Variants in VDAC2 observed in about 807,000 individuals in gnomAD.
VDAC2 encodes voltage dependent anion channel 2, also known as non-selective voltage-gated ion channel VDAC2.
VDAC2 carries 6 observed loss-of-function variants against 36.6 expected under a neutral mutation model. That is an observed-to-expected ratio of 0.16 (90% CI 0.09 to 0.32). The LOEUF is 0.32. VDAC2 is among the 10% of genes least tolerant of loss of function. The pLI, the probability that VDAC2 is intolerant of heterozygous loss-of-function variation, is 1.00. For missense variants in VDAC2, 247 were observed against 346.0 expected, an observed-to-expected ratio of 0.71 and a Z score of 2.27; for synonymous variants, 109 against 123.8, an observed-to-expected ratio of 0.88 and a Z score of 0.79.
intron 8 of VDAC2, among the ~76,000 whole-genome samples, chr10:75,224,846 GAT>G (rs2132275912): frequency 6.6e-6 from 1 of 152,252 alleles, no homozygotes; most frequent in African/African-American, 2.4e-5. Context: ...AGAAGTTAGA[GAT>G]TACATTGAGA....
At chr10:75,227,898 CTT>C (rs1172542801) in intron 8 of VDAC2, among the ~76,000 whole-genome samples, 17 of 133,406 alleles carry the variant, frequency 1.3e-4, no homozygotes, top group Non-Finnish European at 9.8e-5. Flanking sequence ...TTCTTTCTTT[CTT>C]TTTTTTTTTT....
chr10:75,221,406 C>A (rs1008376075), intron 7 of VDAC2, among the ~76,000 whole-genome samples: 3 of 151,754 alleles, frequency 2.0e-5, no homozygotes, highest in African/African-American at 7.3e-5. Context: ...GATCTCGGCT[C>A]ACTCCAACAT....
At position 75,211,142 on chromosome 10, in the gene VDAC2, C is replaced by G; in HGVS notation, c.-17C>G. On this transcript the variant is annotated 5_prime_UTR_variant, in exon 2 of 10. Transcript: ENST00000332211. ...TCTTGTCCCTCCCGCAGATTCCCCT[C>G]TTCCCGCGGCCTCGCCATGGCGACC... is the stretch of plus-strand genomic sequence containing the variant. 1 of 1,611,440 alleles carries G rather than the reference C, an allele frequency of 6.2e-7. No homozygotes were observed. The highest frequency in any genetic ancestry group is 1.3e-5 in the African/African-American group (1 of 74,966).
chr10:75,222,203 C>G (rs1359252502), intron 7 of VDAC2, 49 bp from the exon 8 acceptor site: 2 of 1,551,848 alleles, frequency 1.3e-6, no homozygotes, highest in African/African-American at 1.4e-5. Context: ...GTGCCTTAGA[C>G]ATTATTACAT....
intron 8 of VDAC2, among the ~76,000 whole-genome samples, chr10:75,226,177 T>G (rs538138922): frequency 6.6e-6 from 1 of 152,202 alleles, no homozygotes; most frequent in Non-Finnish European, 1.5e-5. Context: ...TGTAGATATG[T>G]CTGTTATATA....
chr10:75,226,448 T>C (rs1003764741), intron 8 of VDAC2, among the ~76,000 whole-genome samples: 1 of 131,588 alleles, frequency 7.6e-6, no homozygotes, highest in South Asian at 2.4e-4. Context: ...CAGTCTTTTG[T>C]GGGTTTTTTT....
At chr10:75,219,379 G>A (rs1245063000) in intron 6 of VDAC2, 23 bp downstream of exon 6, 10 of 1,553,198 alleles carry the variant, frequency 6.4e-6, no homozygotes, top group Non-Finnish European at 6.1e-6. Context: ...ATTTTTATCT[G>A]TATTACATTT....
intron 7 of VDAC2, among the ~76,000 whole-genome samples, chr10:75,221,826 GT>G (rs1841822095): frequency 1.3e-5 from 2 of 152,158 alleles, no homozygotes; most frequent in Admixed American, 1.3e-4. Context: ...TACTTAAAAT[GT>G]TTTTCTTTCC....
At chr10:75,227,868 G>A (rs1842002936) in intron 8 of VDAC2, among the ~76,000 whole-genome samples, 1 of 150,902 alleles carries the variant, frequency 6.6e-6, no homozygotes, top group East Asian at 1.9e-4. Context: ...CACCCAGCCC[G>A]GCCAATAATG....
At chr10:75,213,316 G>T (rs1841489895) in intron 3 of VDAC2, among the ~76,000 whole-genome samples, 1 of 152,120 alleles carries the variant, frequency 6.6e-6, no homozygotes, top group African/African-American at 2.4e-5. Flanking sequence ...CTGATCTCAA[G>T]TGGTCTGCCT....
chr10:75,221,059 A>C, intron 7 of VDAC2, 89 bp downstream of exon 7: 1 of 1,321,472 alleles, frequency 7.6e-7, no homozygotes. Flanking sequence ...GTGCACCCTA[A>C]AGGATTTCTC....
intron 3 of VDAC2, among the ~76,000 whole-genome samples, chr10:75,213,657 T>G (rs1435748561): frequency 6.6e-6 from 1 of 152,094 alleles, no homozygotes; most frequent in Non-Finnish European, 1.5e-5. Context: ...GGCAGGAGAA[T>G]CGCTTGAACC....
intron 8 of VDAC2, among the ~76,000 whole-genome samples, chr10:75,228,169 C>G (rs1470581352): frequency 6.6e-6 from 1 of 152,176 alleles, no homozygotes. Flanking sequence ...GCTGGGATTA[C>G]AGGCGTGAGC....
intron 2 of VDAC2, chr10:75,211,574 T>A (rs1352152868): frequency 2.6e-6 from 4 of 1,550,620 alleles, no homozygotes; most frequent in Non-Finnish European, 3.5e-6. Context: ...GGACGTGCTT[T>A]GTGGAATGAA....
intron 8 of VDAC2, among the ~76,000 whole-genome samples, chr10:75,226,221 A>C (rs867640485): frequency 6.6e-6 from 1 of 152,040 alleles, no homozygotes; most frequent in African/African-American, 2.4e-5. Flanking sequence ...TGACAGATAT[A>C]TGGACCTTTT....
intron 4 of VDAC2, among the ~76,000 whole-genome samples, chr10:75,214,925 G>A (rs1329470627): frequency 6.6e-6 from 1 of 152,154 alleles, no homozygotes; most frequent in African/African-American, 2.4e-5. Flanking sequence ...CTTTTTTCGA[G>A]ACAGGGTCTC....
Position 75,229,717 on chromosome 10 carries a change from A to G in VDAC2, c.793+16A>G, listed in dbSNP as rs1292249567. ...CTGAGGCCTGGTAAGTATTCTTGAT[A>G]AAGTAGGATTGTTTTGATAGTATTA... On this transcript the variant is annotated intron_variant, in intron 9 of 9. Transcript: ENST00000332211. 7.6e-6 allele frequency: 12 copies of G among 1,584,756 alleles called. No homozygotes were observed. The highest frequency in any genetic ancestry group is 1.0e-5 in the Non-Finnish European group (12 of 1,169,102).
chr10:75,223,469 A>G (rs1469863840), intron 8 of VDAC2, among the ~76,000 whole-genome samples: 2 of 152,204 alleles, frequency 1.3e-5, no homozygotes, highest in Non-Finnish European at 2.9e-5. Context: ...CCCCTGTGTC[A>G]TTTAATGACT....
At chr10:75,213,968 C>T (rs879097981) in intron 3 of VDAC2, 53 bp from the exon 4 acceptor site, 2 of 1,572,138 alleles carry the variant, frequency 1.3e-6, no homozygotes, top group South Asian at 2.2e-5. Flanking sequence ...AATTGCTATG[C>T]ATCTTTCATA....
Sources: gnomAD v4.1 joint callset for allele counts (sites outside exome capture counted in the v4.1 genomes callset) on GRCh38, gnomAD v4.1.1 for gene constraint, MANE v1.5 for transcripts, NCBI Gene and HGNC (gene_info 2026-07-23, HGNC 2026-07-21) for gene names.